The following CD99L2 variants were observed in gnomAD, a reference collection of about 807,000 sequenced individuals.
CD99L2 encodes the protein CD99 antigen-like protein 2.
CD99L2 carries 24 observed loss-of-function variants against 27.3 expected under a neutral mutation model. That is an observed-to-expected ratio of 0.88 (90% CI 0.64 to 1.24). The LOEUF is 1.24. Ranked by LOEUF, CD99L2 falls within the 50% of genes most tolerant of loss-of-function variation. The probability of loss-of-function intolerance (pLI) is 0.00; values close to 1 mark genes in which losing one functional copy is unlikely to be tolerated. For missense variants in CD99L2, 255 were observed against 221.6 expected (o/e 1.15, Z -0.96); for synonymous variants, 97 against 87.9 (o/e 1.10, Z -0.58).
At chrX:150,838,917 ATGG>A (rs2046577737) in intron 1 of CD99L2, among the ~76,000 whole-genome samples, 1 of 63,750 alleles carries the variant, frequency 1.6e-5, no homozygotes, top group African/African-American at 6.7e-5. Context: ...AAAAAAAAAA[ATGG>A]GGGGGGGGGT....
chrX:150,885,722 T>C (rs1374894521), intron 1 of CD99L2, among the ~76,000 whole-genome samples: 1 of 112,328 alleles, frequency 8.9e-6, no homozygotes, highest in Non-Finnish European at 1.9e-5. Flanking sequence ...CTTATTATAG[T>C]TTAATTTGCA....
chrX:150,796,787 CAG>C (rs1166315311), intron 4 of CD99L2, among the ~76,000 whole-genome samples: 8 of 112,084 alleles, frequency 7.1e-5, no homozygotes, highest in African/African-American at 1.9e-4. Flanking sequence ...TGAAATTATG[CAG>C]AGAGGTATCA....
chrX:150,872,542 T>TAAAA lies in CD99L2; in HGVS notation c.67+25976_67+25979dup, dbSNP rs782797816. Among the ~76,000 whole-genome samples, 650 of 83,928 alleles carry TAAAA rather than the reference T, an allele frequency of 7.7e-3. 6 individuals are homozygous for TAAAA. The highest frequency in any genetic ancestry group is 0.024 in the South Asian group (39 of 1,620). 72.9% of individuals were successfully genotyped at this position (83,928 alleles called of 115,157 possible). ...GTGTGTAAATTATACCTCAATATGT[T>TAAAA]AAAAAAAAAAAAAAACTTAAGAACT... On this transcript the variant is annotated intron_variant, in intron 1 of 10. Transcript: ENST00000370377.
chrX:150,887,709 C>T (rs782683283), intron 1 of CD99L2, among the ~76,000 whole-genome samples: 5 of 111,189 alleles, frequency 4.5e-5, no homozygotes, highest in Non-Finnish European at 3.8e-5. Context: ...AACATCAGTG[C>T]TGAAGGGCTC....
At chrX:150,784,228 G>A (rs1480456930) in intron 7 of CD99L2, among the ~76,000 whole-genome samples, 1 of 110,634 alleles carries the variant, frequency 9.0e-6, no homozygotes, top group African/African-American at 3.3e-5. Context: ...ACAGGCCAGT[G>A]AGGGTGATCC....
intron 1 of CD99L2, among the ~76,000 whole-genome samples, chrX:150,885,086 C>T (rs2047387465): frequency 9.0e-6 from 1 of 110,654 alleles, no homozygotes; most frequent in Non-Finnish European, 1.9e-5. Context: ...TGGCTGCATA[C>T]ATAGGTGGCA....
rs200411014 is a variant in CD99L2, at chrX:150,824,508, AGAAG to A, written c.130+6719_130+6722del. 1.0e-3 allele frequency among the ~76,000 whole-genome samples: 102 copies of A among 99,284 alleles called. 2 individuals carry two copies. The East Asian group carries it at 0.019, about 18-fold the overall frequency. The allele number at this position is 99,284 out of a possible 115,157, so 86.2% of individuals were successfully genotyped here. ...GAAAGAAGAAGAAGAAAGAAGAAGA[AGAAG>A]GAAGGAAGAAGAAAGAAGAAGAAAG... On this transcript the variant is annotated intron_variant, in intron 2 of 10. Coordinates refer to ENST00000370377, the MANE Select transcript of CD99L2 (RefSeq NM_031462.4).
chrX:150,828,725 A>G (rs2046397912), intron 2 of CD99L2: 1 of 111,670 alleles, frequency 9.0e-6, no homozygotes, highest in Non-Finnish European at 1.9e-5. Flanking sequence ...TTGGTAAAAT[A>G]TTTTTATTGA....
At chrX:150,870,645 T>C (rs1179245832) in intron 1 of CD99L2, among the ~76,000 whole-genome samples, 1 of 110,574 alleles carries the variant, frequency 9.0e-6, no homozygotes, top group African/African-American at 3.3e-5. Flanking sequence ...TCATCACATA[T>C]TCCTCCCTCC....
At chrX:150,891,459 G>A (rs1460278647) in intron 1 of CD99L2, among the ~76,000 whole-genome samples, 4 of 111,823 alleles carry the variant, frequency 3.6e-5, no homozygotes, top group Non-Finnish European at 7.5e-5. Flanking sequence ...ATATGACATG[G>A]CTCTAATCCC....
intron 4 of CD99L2, among the ~76,000 whole-genome samples, chrX:150,802,555 G>C (rs1398245364): frequency 9.8e-6 from 1 of 101,778 alleles, no homozygotes; most frequent in Non-Finnish European, 2.0e-5. Flanking sequence ...AGCAGAGCGA[G>C]ACTCAGGCTC....
intron 1 of CD99L2, among the ~76,000 whole-genome samples, chrX:150,864,328 G>A (rs782184252): frequency 1.0e-3 from 113 of 112,535 alleles, no homozygotes; most frequent in Admixed American, 1.7e-3. Flanking sequence ...ACAAAGCACC[G>A]TGCATGACAC....
Position 150,770,386 on chromosome X carries a change from G to T in CD99L2, c.656-17C>A. The stretch of plus-strand genomic sequence containing the variant: ...TGAGACCCTCTGCAAAGGGAAAAGG[G>T]CAGAGTTAGTGATGCGCACAGGACC... On this transcript the variant is annotated splice_polypyrimidine_tract_variant and intron_variant, in intron 9 of 10. Transcript: ENST00000370377. 8.3e-7 allele frequency: 1 copy of T among 1,203,907 alleles called. No individual in the cohort carries two copies. Among genetic ancestry groups the T allele is most frequent in the South Asian group, 1.8e-5 (1 of 56,706 alleles).
intron 1 of CD99L2, among the ~76,000 whole-genome samples, chrX:150,890,819 G>A (rs781892254): frequency 4.4e-5 from 5 of 113,215 alleles, no homozygotes; most frequent in Admixed American, 9.3e-5. Flanking sequence ...AGGACTGGAG[G>A]AGAAGGGTGG....
chrX:150,818,895 T>C (rs2046204910), intron 2 of CD99L2: 8 of 378,041 alleles, frequency 2.1e-5, no homozygotes, highest in Middle Eastern at 1.1e-3. Context: ...GATTTGGTTA[T>C]AAGGGTTCTT....
chrX:150,770,525 T>G (rs950015060), intron 9 of CD99L2, among the ~76,000 whole-genome samples, 156 bp from the exon 10 acceptor site: 1 of 112,526 alleles, frequency 8.9e-6, no homozygotes, highest in Non-Finnish European at 1.9e-5. Flanking sequence ...CTGAACATCC[T>G]TATCCGGATG....
intron 9 of CD99L2, among the ~76,000 whole-genome samples, chrX:150,771,645 G>A (rs1302582160): frequency 1.8e-5 from 2 of 112,234 alleles, no homozygotes; most frequent in Non-Finnish European, 3.8e-5. Flanking sequence ...CCTCTCACAC[G>A]CATCAGGGTA....
chrX:150,824,016 GGAA>G (rs1569565996), intron 2 of CD99L2, among the ~76,000 whole-genome samples: 1 of 97,872 alleles, frequency 1.0e-5, no homozygotes, highest in Non-Finnish European at 2.1e-5. Context: ...AGGAGGAGGA[GGAA>G]GAGGAAGAGG....
chrX:150,813,573 A>T (rs782365936), intron 4 of CD99L2, among the ~76,000 whole-genome samples: 12 of 112,365 alleles, frequency 1.1e-4, no homozygotes, highest in Non-Finnish European at 2.1e-4. Context: ...TAGCATGTTC[A>T]GCAGCACTGG....
Sources: allele counts gnomAD v4.1 joint callset (sites outside exome capture counted in the v4.1 genomes callset), GRCh38; gene constraint gnomAD v4.1.1; transcripts MANE v1.5; gene names NCBI Gene and HGNC (gene_info 2026-07-23, HGNC 2026-07-21).